The following LAPTM4B variants were observed in gnomAD, a reference collection of about 807,000 sequenced individuals.
The protein encoded by LAPTM4B is lysosomal-associated transmembrane protein 4B.
In LAPTM4B, 26 loss-of-function variants were observed where a neutral mutation model predicts 28.5. The ratio of observed to expected loss-of-function variants is 0.91; its 90% CI spans 0.67 to 1.27. The LOEUF (loss-of-function observed/expected upper bound fraction) is 1.27. LAPTM4B is among the 50% of genes most tolerant of loss of function. The probability of loss-of-function intolerance (pLI) is 0.00; values close to 1 mark genes in which losing one functional copy is unlikely to be tolerated. For missense variants in LAPTM4B, 288 were observed against 285.8 expected (o/e 1.01, Z -0.06); for synonymous variants, 109 against 106.4 (o/e 1.02, Z -0.15).
chr8:97,803,436 G>A (rs1026558885), intron 1 of LAPTM4B, among the ~76,000 whole-genome samples: 3 of 151,550 alleles, frequency 2.0e-5, no homozygotes, highest in East Asian at 2.0e-4. Flanking sequence ...CCACCACCAT[G>A]CCCAACTAAT....
At chr8:97,798,994 G>C (rs1816632761) in intron 1 of LAPTM4B, among the ~76,000 whole-genome samples, 1 of 152,156 alleles carries the variant, frequency 6.6e-6, no homozygotes, top group Non-Finnish European at 1.5e-5. Flanking sequence ...CCTGTCACCA[G>C]GCTTGAAGTC....
intron 6 of LAPTM4B, among the ~76,000 whole-genome samples, chr8:97,833,030 G>A (rs1453443800): frequency 6.7e-6 from 1 of 149,188 alleles, no homozygotes; most frequent in Non-Finnish European, 1.5e-5. Context: ...TTTGTTAAAA[G>A]ATATTTACAA....
intron 2 of LAPTM4B, 124 bp from the exon 3 acceptor site, chr8:97,815,204 A>G: frequency 2.8e-6 from 2 of 712,726 alleles, no homozygotes; most frequent in South Asian, 1.6e-5. Flanking sequence ...ATCTCTTAGT[A>G]TAAAGTATTT....
At chr8:97,834,778 A>T (rs1055207103) in intron 6 of LAPTM4B, among the ~76,000 whole-genome samples, 16 of 152,150 alleles carry the variant, frequency 1.1e-4, no homozygotes, top group African/African-American at 3.6e-4. Flanking sequence ...CTCTAGGCTC[A>T]TCTTGTACAT....
chr8:97,796,810 G>A (rs1399029794), intron 1 of LAPTM4B, among the ~76,000 whole-genome samples: 3 of 151,960 alleles, frequency 2.0e-5, no homozygotes, highest in Admixed American at 6.6e-5. Context: ...TGTGGTAGCC[G>A]GCACTTGTAA....
At chr8:97,824,182 A>T (rs958893855) in intron 5 of LAPTM4B, among the ~76,000 whole-genome samples, 2 of 152,032 alleles carry the variant, frequency 1.3e-5, no homozygotes, top group African/African-American at 4.8e-5. Flanking sequence ...GGTATATATT[A>T]TATATATACT....
intron 6 of LAPTM4B, among the ~76,000 whole-genome samples, chr8:97,840,734 T>C (rs1817331065): frequency 6.6e-6 from 1 of 152,250 alleles, no homozygotes; most frequent in Non-Finnish European, 1.5e-5. Context: ...AGGCTGTCAC[T>C]TCACACTTAG....
At chr8:97,849,810 C>CCCAGCCCG (rs889652092) in intron 6 of LAPTM4B, among the ~76,000 whole-genome samples, 1 of 151,934 alleles carries the variant, frequency 6.6e-6, no homozygotes, top group Non-Finnish European at 1.5e-5. Context: ...TCCTCCACCC[C>CCCAGCCCG]CCTGCCCGCC....
chr8:97,844,430 G>C (rs1188296435), intron 6 of LAPTM4B, among the ~76,000 whole-genome samples: 1 of 152,112 alleles, frequency 6.6e-6, no homozygotes, highest in Non-Finnish European at 1.5e-5. Context: ...CATTTCACAA[G>C]CAAAGAAGTT....
At chr8:97,830,865 C>T (rs751288008) in intron 6 of LAPTM4B, among the ~76,000 whole-genome samples, 4 of 151,970 alleles carry the variant, frequency 2.6e-5, no homozygotes, top group African/African-American at 9.7e-5. Flanking sequence ...GGCAGCTCAG[C>T]GGATTTCATG....
At position 97,851,523 on chromosome 8, in the gene LAPTM4B, C is replaced by G. The variant is rs1388808723; in HGVS notation, c.*49C>G. ...GGCAGCAGCTTGACTTTGCAGACAT[C>G]TGAGCAATAGTTCTGTTATTTCACT... On this transcript the variant is annotated 3_prime_UTR_variant, in exon 7 of 7. Transcript: ENST00000521545. The G allele has an allele frequency of 7.4e-7, 1 of 1,349,188 alleles. No individual in the cohort carries two copies. Among genetic ancestry groups the G allele is most frequent in the Non-Finnish European group, 1.1e-6 (1 of 939,824 alleles). 83.6% of individuals were successfully genotyped at this position (1,349,188 alleles called of 1,614,324 possible). A position where few individuals can be genotyped will look rare whatever the true frequency, so the allele number is the denominator to read the frequency against.
In LAPTM4B at chr8:97,801,784, C is replaced by T. The variant is rs899301598; in HGVS notation, c.100-3569C>T. Among the ~76,000 whole-genome samples, 4 of 143,446 alleles carry T rather than the reference C, an allele frequency of 2.8e-5. No homozygotes were observed. The Admixed American group carries it at 3.0e-4, about 11-fold the overall frequency. 94.1% of individuals were successfully genotyped at this position (143,446 alleles called of 152,430 possible). On this transcript the variant is annotated intron_variant, in intron 1 of 6. Transcript: ENST00000521545. ...ACTTGAACCTGGGTGGTGGAGGTTG[C>T]GGTGAGCCGAGCTTGCGCCACTGCA...
intron 6 of LAPTM4B, among the ~76,000 whole-genome samples, chr8:97,832,615 A>T (rs562205437): frequency 7.8e-4 from 119 of 152,068 alleles, no homozygotes; most frequent in Non-Finnish European, 1.5e-3. Context: ...TCCACTCCGA[A>T]ATATCAGGGT....
chr8:97,792,853 C>T lies in LAPTM4B; in HGVS notation c.100-12500C>T, dbSNP rs547869732. ...TCAGTCTTCCAAAGTGCTGGGATTA[C>T]AGGCGTGAGCCATTGCGCCCAGCAT... On this transcript the variant is annotated intron_variant, in intron 1 of 6. Transcript: ENST00000521545. 7.2e-5 allele frequency among the ~76,000 whole-genome samples: 11 copies of T among 152,336 alleles called. No individual in the cohort carries two copies. The South Asian group carries it at 2.3e-3, about 32-fold the overall frequency.
intron 1 of LAPTM4B, among the ~76,000 whole-genome samples, chr8:97,791,301 T>A (rs562983852): frequency 6.6e-6 from 1 of 152,290 alleles, no homozygotes; most frequent in African/African-American, 2.4e-5. Context: ...ATTTAAAATG[T>A]TCTTTAAGAC....
rs545883881 is a variant in LAPTM4B at position 97,799,543 on chromosome 8, T to C, written c.100-5810T>C. Among the ~76,000 whole-genome samples, 3 of 152,322 alleles carry C rather than the reference T, an allele frequency of 2.0e-5. No homozygotes were observed. In the South Asian group the frequency reaches 6.2e-4, roughly 32 times the overall value. On this transcript the variant is annotated intron_variant, in intron 1 of 6. Transcript: ENST00000521545. ...GAACCTGAGCACGGTGACTGCATTTTGGTTTGTAGTCTAGTATGTTGAGGC... is the reference window on the plus strand; with the variant it reads ...GAACCTGAGCACGGTGACTGCATTTCGGTTTGTAGTCTAGTATGTTGAGGC...
chr8:97,776,134 A>G, intron 1 of LAPTM4B, 26 bp downstream of exon 1: 1 of 1,484,836 alleles, frequency 6.7e-7, no homozygotes, highest in Non-Finnish European at 9.1e-7. Context: ...CCGGCCCGGG[A>G]CCCTGCGTTG....
chr8:97,825,458 C>A (rs1028105481), intron 6 of LAPTM4B, among the ~76,000 whole-genome samples: 2 of 152,108 alleles, frequency 1.3e-5, no homozygotes, highest in African/African-American at 4.8e-5. Context: ...CATTGTTAAA[C>A]CATGGTGTAT....
chr8:97,789,038 CTTTATTTA>C (rs71570264), intron 1 of LAPTM4B, among the ~76,000 whole-genome samples: 42,138 of 140,306 alleles, frequency 0.3, 6,733 homozygotes, highest in Non-Finnish European at 0.34. Context: ...GGTGCTCACT[CTTTATTTA>C]TTTATTTATT....
Sources: gnomAD v4.1 joint callset for allele counts (sites outside exome capture counted in the v4.1 genomes callset) on GRCh38, gnomAD v4.1.1 for gene constraint, MANE v1.5 for transcripts, NCBI Gene and HGNC (gene_info 2026-07-23, HGNC 2026-07-21) for gene names.